Variants in ABI2 observed in about 807,000 individuals in gnomAD.
ABI2 encodes abl interactor 2, also known as abelson interactor 2.
In ABI2, 25 loss-of-function variants were observed where a neutral mutation model predicts 59.2. The ratio of observed to expected loss-of-function variants is 0.42; its 90% CI spans 0.31 to 0.59. The LOEUF is 0.59. ABI2 is among the 20% of genes least tolerant of loss of function. The pLI is 0.14. For synonymous variants in ABI2, 213 were observed against 235.5 expected (o/e 0.90, Z 0.87); for missense variants, 545 against 681.8 (o/e 0.80, Z 2.23).
At chr2:203,363,415 A>G (rs1199215495) in intron 1 of ABI2, among the ~76,000 whole-genome samples, 1 of 151,890 alleles carries the variant, frequency 6.6e-6, no homozygotes, top group Non-Finnish European at 1.5e-5. Flanking sequence ...TATTTTTCGT[A>G]TCCATTAACC....
At chr2:203,393,709 A>G (rs1484238950) in intron 5 of ABI2, among the ~76,000 whole-genome samples, 1 of 152,240 alleles carries the variant, frequency 6.6e-6, no homozygotes, top group Admixed American at 6.5e-5. Context: ...ATAAGTCAGT[A>G]GAGCAACATC....
intron 8 of ABI2, among the ~76,000 whole-genome samples, chr2:203,400,682 C>A: frequency 6.6e-6 from 1 of 152,144 alleles, no homozygotes; most frequent in Middle Eastern, 3.2e-3. Context: ...GCCTTGAGTG[C>A]TCTTATAATC....
chr2:203,398,734 G>T (rs1180310650), intron 8 of ABI2, among the ~76,000 whole-genome samples: 1 of 151,990 alleles, frequency 6.6e-6, no homozygotes, highest in African/African-American at 2.4e-5. Context: ...CCAGCTCCTG[G>T]TAAGCCCTTG....
intron 1 of ABI2, among the ~76,000 whole-genome samples, chr2:203,343,167 C>T (rs1258403693): frequency 2.6e-5 from 4 of 152,054 alleles, no homozygotes; most frequent in Admixed American, 6.6e-5. Flanking sequence ...AGTTTGAGAC[C>T]AGCCTGGCCA....
At chr2:203,394,936 C>CTAAG in intron 6 of ABI2, 90 bp downstream of exon 6, 1 of 1,436,826 alleles carries the variant, frequency 7.0e-7, no homozygotes. Context: ...TTTCCAAGCA[C>CTAAG]TAAGTTCTTT....
intron 9 of ABI2, chr2:203,403,503 G>A (rs2097303181): frequency 6.5e-6 from 1 of 154,706 alleles, no homozygotes; most frequent in African/African-American, 2.4e-5. Context: ...CTCTGTGGCT[G>A]TGACCTATAG....
intron 6 of ABI2, among the ~76,000 whole-genome samples, chr2:203,395,448 T>TACACACAC (rs59156204): frequency 1.1e-3 from 129 of 115,306 alleles, no homozygotes; most frequent in Non-Finnish European, 1.4e-3. Flanking sequence ...TATATATATA[T>TACACACAC]ACACACACAC....
chr2:203,385,136 A>ATT (rs1231169110), intron 4 of ABI2, among the ~76,000 whole-genome samples: 1 of 26,218 alleles, frequency 3.8e-5, no homozygotes, highest in Non-Finnish European at 1.1e-4. Context: ...CCCGGCTCAG[A>ATT]TTCTTTTTTT....
In ABI2 at chr2:203,427,346, T is replaced by C; in HGVS notation, c.1623T>C (p.Ser541=). The C allele has an allele frequency of 6.2e-7, 1 of 1,613,274 alleles. No individual in the cohort carries two copies. The highest frequency in any genetic ancestry group is 1.3e-5 in the African/African-American group (1 of 75,046). The change falls in exon 12 of 12, where the codon TCT becomes TCC. Residue 541 remains serine (S), a synonymous_variant. Coordinates refer to ENST00000261018, the MANE Select transcript of ABI2 (RefSeq NM_001375670.1). ...ACGTTGAGTCTATCATGCATTATTCTGAGTAAAGCTCAGCAGGGCTGTGCT... is the reference window on the plus strand; with the variant it reads ...ACGTTGAGTCTATCATGCATTATTCCGAGTAAAGCTCAGCAGGGCTGTGCT... ...GNYVESIMHY[S]E is the part of the protein sequence containing the mutation.
rs182812253 is a variant in ABI2, at chr2:203,394,199, T to A, written c.579-501T>A. ...TACTTTAATTTCTGTATATTTGGTA[T>A]ATAGAAAGGGAAATGAGTTGTTATG... is the stretch of plus-strand genomic sequence containing the variant. On this transcript the variant is annotated intron_variant, in intron 5 of 11. Coordinates refer to ENST00000261018, the MANE Select transcript of ABI2 (RefSeq NM_001375670.1). The A allele has an allele frequency of 2.6e-5, 4 of 152,570 alleles. 1 individual carries two copies. Among genetic ancestry groups the A allele is most frequent in the Admixed American group, 2.6e-4 (4 of 15,316 alleles). 9.5% of individuals were successfully genotyped at this position (152,570 alleles called of 1,614,324 possible). A position where few individuals can be genotyped will look rare whatever the true frequency, so the allele number is the denominator to read the frequency against.
At chr2:203,369,100 G>A (rs1480144393) in intron 2 of ABI2, among the ~76,000 whole-genome samples, 1 of 146,980 alleles carries the variant, frequency 6.8e-6, no homozygotes, top group Non-Finnish European at 1.5e-5. Flanking sequence ...CTCCCAAGGT[G>A]TTGGGATTAC....
rs574748605 is a variant in ABI2 at position 203,423,512 on chromosome 2, G to A, written c.1454-3665G>A. ...GCAATCTCGGCTCACTGCAACCTCC[G>A]CCTCCCAGGTTCACGCCATTCTCCT... On this transcript the variant is annotated intron_variant, in intron 11 of 11. Coordinates refer to ENST00000261018, the MANE Select transcript of ABI2 (RefSeq NM_001375670.1). Among the ~76,000 whole-genome samples the A allele has an allele frequency of 7.0e-4, 106 of 152,142 alleles. 1 individual carries two copies. The highest frequency in any genetic ancestry group is 2.4e-3 in the African/African-American group (98 of 41,504).
In ABI2 at chr2:203,373,753, C is replaced by G. The variant is rs183726359; in HGVS notation, c.286-6455C>G. 3.2e-4 allele frequency among the ~76,000 whole-genome samples: 49 copies of G among 152,214 alleles called. 1 individual carries two copies. Among genetic ancestry groups the G allele is most frequent in the Middle Eastern group, 3.4e-3 (1 of 294 alleles). On this transcript the variant is annotated intron_variant, in intron 2 of 11. Transcript: ENST00000261018. Reference sequence around the variant, plus strand: ...AGTTAGCAGGTAACAATTAAAGGAGCTGGAAAATAATTATCATAAAATAAT... The same window carrying G: ...AGTTAGCAGGTAACAATTAAAGGAGGTGGAAAATAATTATCATAAAATAAT...
chr2:203,430,546 A>G lies in ABI2; in HGVS notation c.*3194A>G, dbSNP rs1403506785. On this transcript the variant is annotated 3_prime_UTR_variant, in exon 12 of 12. Coordinates refer to ENST00000261018, the MANE Select transcript of ABI2 (RefSeq NM_001375670.1). Reference sequence around the variant, plus strand: ...AAACAAAAATAGTGCCAATGTGTCAAAATCGACATCTGAGAGATTCAGCCT... The same window carrying G: ...AAACAAAAATAGTGCCAATGTGTCAGAATCGACATCTGAGAGATTCAGCCT... 2 of 152,246 alleles carry G rather than the reference A, an allele frequency of 1.3e-5. No homozygotes were observed. Among genetic ancestry groups the G allele is most frequent in the East Asian group, 1.9e-4 (1 of 5,208 alleles). The allele number at this position is 152,246 out of a possible 1,614,324, so 9.4% of individuals were successfully genotyped here.
rs1230180117 is a variant in ABI2, at chr2:203,338,998, A to G, written c.117+10367A>G. Reference sequence around the variant, plus strand: ...TATATATATAAATATATATATATATATATATATATAAAGGATTCATACAAC... The same window carrying G: ...TATATATATAAATATATATATATATGTATATATATAAAGGATTCATACAAC... On this transcript the variant is annotated intron_variant, in intron 1 of 11. Transcript: ENST00000261018. 5.4e-4 allele frequency among the ~76,000 whole-genome samples: 55 copies of G among 101,772 alleles called. 3 individuals are homozygous for G. The highest frequency in any genetic ancestry group is 7.0e-4 in the Non-Finnish European group (38 of 54,300). The allele number at this position is 101,772 out of a possible 152,430, so 66.8% of individuals were successfully genotyped here.
At chr2:203,411,062 A>G (rs1451104628) in intron 9 of ABI2, among the ~76,000 whole-genome samples, 1 of 151,898 alleles carries the variant, frequency 6.6e-6, no homozygotes, top group African/African-American at 2.4e-5. Context: ...TCTGTGTATG[A>G]TAAATGCCTC....
At chr2:203,384,295 T>TGTTTTTTTTTG (rs1559289040) in intron 4 of ABI2, among the ~76,000 whole-genome samples, 2 of 87,944 alleles carry the variant, frequency 2.3e-5, no homozygotes, top group African/African-American at 7.3e-5. Flanking sequence ...TTTTTGTTTT[T>TGTTTTTTTTTG]TTTTTTTTTT....
At chr2:203,403,184 C>T (rs2097291189) in intron 9 of ABI2, 1 of 152,598 alleles carries the variant, frequency 6.6e-6, no homozygotes, top group African/African-American at 2.4e-5. Context: ...CATACCAAAC[C>T]CATGGTGGAA....
chr2:203,374,962 C>T, intron 2 of ABI2: 1 of 386,114 alleles, frequency 2.6e-6, no homozygotes. Context: ...CTGTCATCTG[C>T]TGTGGCCTGA....
Sources: gnomAD v4.1 joint callset for allele counts (sites outside exome capture counted in the v4.1 genomes callset) on GRCh38, gnomAD v4.1.1 for gene constraint, MANE v1.5 for transcripts, NCBI Gene and HGNC (gene_info 2026-07-23, HGNC 2026-07-21) for gene names.